Variants in ZHX2 observed in about 807,000 individuals in gnomAD.
The protein encoded by ZHX2 is zinc fingers and homeoboxes 2.
Under a neutral mutation model 21.9 loss-of-function variants are expected in ZHX2, and 6 were observed. The observed-to-expected ratio is 0.27, with a 90% CI of 0.15 to 0.54. The LOEUF is 0.54. Ranked by LOEUF, ZHX2 falls within the 20% of genes least tolerant of loss-of-function variation. ZHX2 has a pLI of 0.95. For synonymous variants in ZHX2, 434 were observed against 437.1 expected, an observed-to-expected ratio of 0.99 and a Z score of 0.09; for missense variants, 908 against 1,090.7, an observed-to-expected ratio of 0.83 and a Z score of 2.36.
chr8:122,818,481 G>A (rs1395512032), intron 1 of ZHX2, among the ~76,000 whole-genome samples: 1 of 151,836 alleles, frequency 6.6e-6, no homozygotes, highest in South Asian at 2.1e-4. Context: ...TGCTGGACCC[G>A]CTCCCTCCTC....
chr8:122,791,333 G>A (rs1338784121), intron 1 of ZHX2, among the ~76,000 whole-genome samples: 1 of 152,196 alleles, frequency 6.6e-6, no homozygotes, highest in Non-Finnish European at 1.5e-5. Context: ...TCCAAGACTT[G>A]AAGAGTTTCA....
chr8:122,954,178 T>C (rs759987259), intron 3 of ZHX2, 150 bp downstream of exon 3: 1 of 745,254 alleles, frequency 1.3e-6, no homozygotes, highest in Non-Finnish European at 2.1e-6. Flanking sequence ...TGATGTATAT[T>C]GATCACATAC....
Position 122,973,515 on chromosome 8 carries a change from T to TG in ZHX2, c.*279dup, listed in dbSNP as rs1199851895. On this transcript the variant is annotated 3_prime_UTR_variant, in exon 4 of 4. Coordinates refer to ENST00000314393, the MANE Select transcript of ZHX2 (RefSeq NM_014943.5). ...CTCCTCTGCCCTAGCCCTCACCTCT[T>TG]GCTATACTGGAACCGATTTGTACAA... 7 of 152,668 alleles carry TG rather than the reference T, an allele frequency of 4.6e-5. No individual in the cohort carries two copies. Among genetic ancestry groups the TG allele is most frequent in the African/African-American group, 1.7e-4 (7 of 41,458 alleles). The allele number at this position is 152,668 out of a possible 1,614,324, so 9.5% of individuals were successfully genotyped here.
intron 2 of ZHX2, among the ~76,000 whole-genome samples, chr8:122,884,849 T>C (rs1819802893): frequency 6.6e-6 from 1 of 152,120 alleles, no homozygotes; most frequent in South Asian, 2.1e-4. Context: ...CTTCAGAAGA[T>C]GGAGGCAAGC....
chr8:122,949,318 T>C (rs1158500250), intron 2 of ZHX2, among the ~76,000 whole-genome samples: 3 of 151,818 alleles, frequency 2.0e-5, no homozygotes, highest in Non-Finnish European at 4.4e-5. Flanking sequence ...AGCAAAACTC[T>C]ATCTGAAAAG....
chr8:122,967,882 A>G (rs968115728), intron 3 of ZHX2, among the ~76,000 whole-genome samples: 1 of 152,148 alleles, frequency 6.6e-6, no homozygotes, highest in Non-Finnish European at 1.5e-5. Flanking sequence ...TAGGCAATGG[A>G]CAGGACCACA....
At chr8:122,835,561 A>C (rs775006918) in intron 1 of ZHX2, among the ~76,000 whole-genome samples, 37 of 152,196 alleles carry the variant, frequency 2.4e-4, no homozygotes, top group Non-Finnish European at 8.8e-5. Flanking sequence ...GGAAGATGGC[A>C]GCTGAGAAGA....
chr8:122,817,896 A>G (rs772401902), intron 1 of ZHX2, among the ~76,000 whole-genome samples: 1 of 152,160 alleles, frequency 6.6e-6, no homozygotes, highest in East Asian at 1.9e-4. Context: ...GATCAGGCCA[A>G]AGCTGTCTAT....
At chr8:122,963,210 G>A (rs963952112) in intron 3 of ZHX2, among the ~76,000 whole-genome samples, 6 of 152,116 alleles carry the variant, frequency 3.9e-5, no homozygotes, top group Non-Finnish European at 7.4e-5. Context: ...CCAATGTCTA[G>A]AAGAGTTTTT....
chr8:122,888,396 C>T (rs992730858), intron 2 of ZHX2, among the ~76,000 whole-genome samples: 6 of 152,144 alleles, frequency 3.9e-5, no homozygotes, highest in African/African-American at 7.2e-5. Flanking sequence ...CAAACATGTA[C>T]ATTTCTTTCC....
chr8:122,824,360 C>T (rs971044009), intron 1 of ZHX2, among the ~76,000 whole-genome samples: 8 of 152,182 alleles, frequency 5.3e-5, no homozygotes, highest in African/African-American at 1.9e-4. Context: ...CTAGAACAAA[C>T]AGGGCCTAGG....
intron 1 of ZHX2, among the ~76,000 whole-genome samples, chr8:122,785,120 T>C (rs1275390327): frequency 2.0e-5 from 3 of 152,248 alleles, no homozygotes; most frequent in Non-Finnish European, 2.9e-5. Context: ...AGGAAAGGCA[T>C]GATTCTTCTG....
At chr8:122,940,325 T>C (rs987097608) in intron 2 of ZHX2, among the ~76,000 whole-genome samples, 4 of 152,208 alleles carry the variant, frequency 2.6e-5, no homozygotes, top group African/African-American at 9.6e-5. Flanking sequence ...TTGGAATTCA[T>C]TGGTTTGGAG....
At chr8:122,888,741 C>A (rs1819906405) in intron 2 of ZHX2, among the ~76,000 whole-genome samples, 3 of 152,180 alleles carry the variant, frequency 2.0e-5, no homozygotes, top group Admixed American at 6.5e-5. Context: ...CCTCGGCCTC[C>A]CAAAGTGCTG....
chr8:122,838,854 C>T (rs913659235), intron 1 of ZHX2, among the ~76,000 whole-genome samples: 9 of 151,988 alleles, frequency 5.9e-5, no homozygotes, highest in Admixed American at 3.9e-4. Context: ...GAATTACAAG[C>T]GTGAGCCACC....
At chr8:122,823,603 C>T (rs1348528677) in intron 1 of ZHX2, among the ~76,000 whole-genome samples, 3 of 152,222 alleles carry the variant, frequency 2.0e-5, no homozygotes, top group Admixed American at 6.5e-5. Context: ...CTTTCTACTC[C>T]GACTGTCTCC....
chr8:122,946,779 T>G (rs1812986567), intron 2 of ZHX2, among the ~76,000 whole-genome samples: 1 of 152,148 alleles, frequency 6.6e-6, no homozygotes, highest in Non-Finnish European at 1.5e-5. Context: ...GCTGTGTTAA[T>G]AGTACTCCCC....
intron 1 of ZHX2, among the ~76,000 whole-genome samples, chr8:122,818,954 C>T (rs1407798858): frequency 1.3e-5 from 2 of 152,284 alleles, no homozygotes; most frequent in South Asian, 2.1e-4. Context: ...GCAGCAAGCT[C>T]GCAGATAGAC....
Position 122,953,576 on chromosome 8 carries a change from A to C in ZHX2, c.2066A>C (p.Lys689Thr). The change falls in exon 3 of 4, where the codon AAG becomes ACG. Residue 689 changes from lysine (K) to threonine (T), a missense_variant. Physicochemically the swap from Lys to Thr is moderately conservative, Grantham distance 78. Around this residue, in one of 4 missense-constraint regions of ZHX2, gnomAD observed 431 missense variants for 428.6 expected, o/e 1.01. Transcript: ENST00000314393. The surrounding 1 kb of genome is among the most constrained non-coding windows in gnomAD (Gnocchi z 4.6). ...TGCTTGCTGAAAACGGGAACCGTGA[A>C]GTGGATGGAGCAGTACCAGCACCAG... ...NRCLLKTGTV[K>T]WMEQYQHQPM... 1 of 1,614,222 alleles carries C rather than the reference A, an allele frequency of 6.2e-7. No individual in the cohort carries two copies. Among genetic ancestry groups the C allele is most frequent in the Non-Finnish European group, 8.5e-7 (1 of 1,180,040 alleles).
Sources: gnomAD v4.1 joint callset for allele counts (sites outside exome capture counted in the v4.1 genomes callset) on GRCh38, gnomAD v4.1.1 for gene constraint, gnomAD v4.1.1 regional missense constraint, Gnocchi (gnomAD v3.1) non-coding constraint, MANE v1.5 for transcripts, NCBI Gene and HGNC (gene_info 2026-07-23, HGNC 2026-07-21) for gene names.